Variants in ADRA1A observed in about 807,000 individuals in gnomAD.
ADRA1A encodes alpha-1A adrenergic receptor.
A neutral mutation model predicts 29.6 loss-of-function variants in ADRA1A; 31 were observed. The observed-to-expected ratio is 1.05, with a 90% confidence interval of 0.79 to 1.41. The LOEUF (loss-of-function observed/expected upper bound fraction) is 1.41. Ranked by LOEUF, ADRA1A falls within the 40% of genes most tolerant of loss-of-function variation. The pLI is 0.00. For synonymous variants in ADRA1A, 311 were observed against 254.3 expected, an observed-to-expected ratio of 1.22 and a Z score of -2.12; for missense variants, 619 against 601.1, an observed-to-expected ratio of 1.03 and a Z score of -0.31.
chr8:26,835,286 C>G (rs1811263566), intron 2 of ADRA1A, among the ~76,000 whole-genome samples: 1 of 152,206 alleles, frequency 6.6e-6, no homozygotes, highest in South Asian at 2.1e-4. Context: ...TTCTTTTCCT[C>G]TCCAACAACA....
chr8:26,836,612 C>A (rs536716074), intron 2 of ADRA1A, among the ~76,000 whole-genome samples: 1 of 152,140 alleles, frequency 6.6e-6, no homozygotes, highest in Non-Finnish European at 1.5e-5. Context: ...TAAGAAGAGA[C>A]GTGTAGCGAG....
downstream of ADRA1A, among the ~76,000 whole-genome samples, chr8:26,767,365 G>A (rs192728930): frequency 8.1e-4 from 123 of 152,212 alleles, no homozygotes; most frequent in Admixed American, 3.9e-4. Context: ...CATGCTTAAA[G>A]GTACAGAGAT....
intron 2 of ADRA1A, among the ~76,000 whole-genome samples, chr8:26,827,859 G>A (rs1292167768): frequency 6.6e-6 from 1 of 152,016 alleles, no homozygotes; most frequent in Non-Finnish European, 1.5e-5. Flanking sequence ...ATAGCACTGA[G>A]ACTCTGTCTT....
chr8:26,767,950 A>G (rs1805878104), downstream of ADRA1A, among the ~76,000 whole-genome samples: 1 of 152,202 alleles, frequency 6.6e-6, no homozygotes, highest in Non-Finnish European at 1.5e-5. Flanking sequence ...GGACATTCAC[A>G]TCTGGCAGAG....
rs938377460 is a variant in ADRA1A at position 26,825,229 on chromosome 8, T to G, written c.883+38858A>C. Among the ~76,000 whole-genome samples, 8 of 152,128 alleles carry G rather than the reference T, an allele frequency of 5.3e-5. No homozygotes were observed. Among genetic ancestry groups the G allele is most frequent in the African/African-American group, 1.9e-4 (8 of 41,410 alleles). On this transcript the variant is annotated intron_variant, in intron 2 of 2. Coordinates refer to ENST00000380573, the MANE Select transcript of ADRA1A (RefSeq NM_000680.4). This position sits in a 1 kb window ranked among gnomAD's most constrained non-coding sequence, Gnocchi z 5.7. ...TGGGAGAGAGGAGACAGTTCCTTCT[T>G]TAGGGAATGGGGGTCATAGAGATAT... is the stretch of plus-strand genomic sequence containing the variant.
intron 2 of ADRA1A, among the ~76,000 whole-genome samples, chr8:26,824,950 G>A (rs894238021): frequency 6.6e-6 from 1 of 152,194 alleles, no homozygotes; most frequent in South Asian, 2.1e-4. Context: ...AGAAAGAGAA[G>A]GCAGCTTCCT....
chr8:26,832,252 C>T (rs1811034937), intron 2 of ADRA1A, among the ~76,000 whole-genome samples: 1 of 152,158 alleles, frequency 6.6e-6, no homozygotes, highest in Non-Finnish European at 1.5e-5. Flanking sequence ...GAAACCCTGT[C>T]CCAGACGCCT....
intron 2 of ADRA1A, among the ~76,000 whole-genome samples, chr8:26,812,751 G>A (rs1236654734): frequency 4.6e-5 from 7 of 151,516 alleles, no homozygotes; most frequent in South Asian, 2.1e-4. Context: ...TGCAAGCTCC[G>A]CCTCCCGGGT....
chr8:26,770,809 G>A, intron 2 of ADRA1A, 143 bp from the exon 3 acceptor site: 1 of 1,218,624 alleles, frequency 8.2e-7, no homozygotes, highest in Non-Finnish European at 1.1e-6. Flanking sequence ...ACATTTGACT[G>A]ACTAGCTCCT....
chr8:26,821,803 C>G lies in ADRA1A; in HGVS notation c.883+42284G>C, dbSNP rs1403961791. Among the ~76,000 whole-genome samples, 2 of 152,194 alleles carry G rather than the reference C, an allele frequency of 1.3e-5. No individual in the cohort carries two copies. Among genetic ancestry groups the G allele is most frequent in the Non-Finnish European group, 2.9e-5 (2 of 68,026 alleles). On this transcript the variant is annotated intron_variant, in intron 2 of 2. Transcript: ENST00000380573. The surrounding 1 kb of genome is among the most constrained non-coding windows in gnomAD (Gnocchi z 5.6). ...GAAATCACTAATCTGTTCTCTATTT[C>G]TATAATTTTGTCATTTCAAGAATGT...
intron 2 of ADRA1A, among the ~76,000 whole-genome samples, chr8:26,789,942 G>GA (rs976593944): frequency 6.6e-5 from 10 of 152,116 alleles, no homozygotes; most frequent in African/African-American, 2.2e-4. Context: ...TCATCAAAAA[G>GA]AAAAAACATA....
chr8:26,865,032 G>C lies in ADRA1A; in HGVS notation c.-63C>G, dbSNP rs1310513004. 1 of 1,518,656 alleles carries C rather than the reference G, an allele frequency of 6.6e-7. No homozygotes were observed. Among genetic ancestry groups the C allele is most frequent in the Non-Finnish European group, 8.8e-7 (1 of 1,142,394 alleles). The allele number at this position is 1,518,656 out of a possible 1,614,324, so 94.1% of individuals were successfully genotyped here. On this transcript the variant is annotated 5_prime_UTR_variant, in exon 2 of 3. Coordinates refer to ENST00000380573, the MANE Select transcript of ADRA1A (RefSeq NM_000680.4). The surrounding 1 kb of genome is among the most constrained non-coding windows in gnomAD (Gnocchi z 7.6). ...GGCCACCTCCCGGGCTGGCGCGGAG[G>C]CGGGAGCGCGGGAGCCGGGAATCAA...
intron 2 of ADRA1A, among the ~76,000 whole-genome samples, chr8:26,810,375 C>G (rs746203455): frequency 5.9e-5 from 9 of 152,196 alleles, no homozygotes; most frequent in Non-Finnish European, 1.3e-4. Flanking sequence ...CTGAAACAGC[C>G]ATTCTATTTC....
intron 2 of ADRA1A, among the ~76,000 whole-genome samples, chr8:26,827,981 C>T (rs937653902): frequency 2.6e-5 from 4 of 152,142 alleles, no homozygotes; most frequent in Non-Finnish European, 5.9e-5. Context: ...GCCCCCTCAA[C>T]TTTCTGGGCT....
Position 26,864,508 on chromosome 8 carries a change from G to A in ADRA1A, c.462C>T (p.Ser154=), listed in dbSNP as rs2229124. The A allele has an allele frequency of 6.2e-7, 1 of 1,614,032 alleles. No individual in the cohort carries two copies. The highest frequency in any genetic ancestry group is 1.7e-5 in the Admixed American group (1 of 60,026). The part of the protein sequence containing the change: ...LMALLCVWAL[S]LVISIGPLFG... ...ACAGGGGTCCAATGGATATGACCAG[G>A]GAGAGTGCCCAGACGCAGAGCAGAG... The change falls in exon 2 of 3, where the codon TCC becomes TCT. Residue 154 remains serine, a synonymous_variant. Coordinates refer to ENST00000380573, the MANE Select transcript of ADRA1A (RefSeq NM_000680.4). This position sits in a 1 kb window ranked among gnomAD's most constrained non-coding sequence, Gnocchi z 8.1.
chr8:26,755,181 A>G (rs754587435), downstream of ADRA1A, among the ~76,000 whole-genome samples: 2 of 150,380 alleles, frequency 1.3e-5, no homozygotes, highest in Non-Finnish European at 3.0e-5. Context: ...ATGAAGAGAA[A>G]GAAATAGACC....
chr8:26,776,517 C>T (rs968835532), intron 2 of ADRA1A, among the ~76,000 whole-genome samples: 2 of 152,204 alleles, frequency 1.3e-5, no homozygotes, highest in Non-Finnish European at 2.9e-5. Flanking sequence ...GACAGCAAGG[C>T]TGAAGACGCG....
At chr8:26,756,395 C>T, downstream of ADRA1A, 1 of 1,291,458 alleles carries the variant, frequency 7.7e-7, no homozygotes. Flanking sequence ...TTATGGAATT[C>T]CTCACACCCT....
rs545319804 is a variant in ADRA1A at position 26,824,486 on chromosome 8, G to T, written c.883+39601C>A. On this transcript the variant is annotated intron_variant, in intron 2 of 2. Transcript: ENST00000380573. ...TATTGTGAGGATCGAACAAGGTAAT[G>T]CCTGTCACACAGCTGACCAAAATTT... is the stretch of plus-strand genomic sequence containing the variant. Among the ~76,000 whole-genome samples, 505 of 152,232 alleles carry T rather than the reference G, an allele frequency of 3.3e-3. 1 individual carries two copies. The highest frequency in any genetic ancestry group is 4.2e-3 in the Non-Finnish European group (285 of 68,024).
Sources: allele counts gnomAD v4.1 joint callset (sites outside exome capture counted in the v4.1 genomes callset), GRCh38; gene constraint gnomAD v4.1.1; non-coding constraint Gnocchi (gnomAD v3.1); transcripts MANE v1.5; gene names NCBI Gene and HGNC (gene_info 2026-07-23, HGNC 2026-07-21).